RSAD1: variants seen among roughly 807,000 people sequenced by gnomAD.
RSAD1 encodes the protein radical S-adenosyl methionine domain containing 1.
RSAD1 carries 34 observed loss-of-function variants against 46.2 expected under a neutral mutation model. That is an observed-to-expected ratio of 0.74 (90% CI 0.56 to 0.98). RSAD1 has a LOEUF of 0.98. Among genes scored for constraint, RSAD1 ranks in the 50% least tolerant of loss-of-function variants. The probability of loss-of-function intolerance (pLI) is 0.00; values close to 1 mark genes in which losing one functional copy is unlikely to be tolerated. For synonymous variants in RSAD1, 260 were observed against 253.5 expected, an observed-to-expected ratio of 1.03 and a Z score of -0.24; for missense variants, 635 against 592.3, an observed-to-expected ratio of 1.07 and a Z score of -0.75.
intron 3 of RSAD1, among the ~76,000 whole-genome samples, chr17:50,480,889 G>T (rs912422151): frequency 6.6e-6 from 1 of 152,126 alleles, no homozygotes; most frequent in African/African-American, 2.4e-5. Context: ...TGAATTAAGA[G>T]ATTTTTACAA....
Position 50,479,609 on chromosome 17 carries a change from C to T in RSAD1, c.136-20C>T, listed in dbSNP as rs770002841. On this transcript the variant is annotated intron_variant, in intron 1 of 8. Coordinates refer to ENST00000258955, the MANE Select transcript of RSAD1 (RefSeq NM_018346.3). The stretch of plus-strand genomic sequence containing the variant: ...TGGCCAGGGCAGCTCTCACCGCGCA[C>T]GTGCACTCACTGCCCCCAGTGGCCT... 6.2e-7 allele frequency: 1 copy of T among 1,613,188 alleles called. No individual in the cohort carries two copies. The highest frequency in any genetic ancestry group is 1.3e-5 in the African/African-American group (1 of 75,030).
At chr17:50,483,185 A>AAAAAAG (rs1555615294) in intron 5 of RSAD1, among the ~76,000 whole-genome samples, 155 bp from the exon 6 acceptor site, 4 of 129,734 alleles carry the variant, frequency 3.1e-5, no homozygotes, top group African/African-American at 9.7e-5. Context: ...AAAAAAAAAA[A>AAAAAAG]AAAAAAAGAA....
At chr17:50,483,531 C>T (rs199993627) in intron 6 of RSAD1, 44 bp downstream of exon 6, 14 of 1,604,104 alleles carry the variant, frequency 8.7e-6, no homozygotes, top group Middle Eastern at 1.7e-4. Context: ...GATCCCCACA[C>T]CCCAAGACCA....
intron 1 of RSAD1, 69 bp from the exon 2 acceptor site, chr17:50,479,560 G>C: frequency 1.9e-6 from 3 of 1,599,454 alleles, no homozygotes; most frequent in Non-Finnish European, 2.6e-6. Context: ...GGGGTTGGGG[G>C]TGTGTGCGAC....
rs372835055 is a variant in RSAD1, at chr17:50,483,830, A to AC, written c.1107+78dup. On this transcript the variant is annotated intron_variant, in intron 7 of 8. Coordinates refer to ENST00000258955, the MANE Select transcript of RSAD1 (RefSeq NM_018346.3). The stretch of plus-strand genomic sequence containing the variant: ...GCAGAATCAATGCCCCCTCCCTGCC[A>AC]CCCCCCCCACACACATATACCTCCA... 6,820 of 1,351,514 alleles carry AC rather than the reference A, an allele frequency of 5.0e-3. 54 individuals carry two copies. Among genetic ancestry groups the AC allele is most frequent in the South Asian group, 0.027 (1,999 of 73,306 alleles). The allele number at this position is 1,351,514 out of a possible 1,614,324, so 83.7% of individuals were successfully genotyped here. A position where few individuals can be genotyped will look rare whatever the true frequency, so the allele number is the denominator to read the frequency against.
At chr17:50,479,317 C>G in intron 1 of RSAD1, 1 of 490,568 alleles carries the variant, frequency 2.0e-6, no homozygotes, top group Non-Finnish European at 3.6e-6. Flanking sequence ...GACTCGGTAG[C>G]TGGGAAAATG....
At chr17:50,481,731 A>T (rs923680675) in intron 3 of RSAD1, among the ~76,000 whole-genome samples, 1 of 152,240 alleles carries the variant, frequency 6.6e-6, no homozygotes, top group Non-Finnish European at 1.5e-5. Flanking sequence ...TTAAAATTGA[A>T]AAGTAAAGTA....
rs766798649 is a variant in RSAD1, at chr17:50,482,371, TC to T, written c.756del (p.Ala253GlnfsTer78). 2.1e-5 allele frequency: 34 copies of T among 1,609,888 alleles called. No homozygotes were observed. The highest frequency in any genetic ancestry group is 2.7e-5 in the Non-Finnish European group (32 of 1,178,334). On this transcript the variant is annotated frameshift_variant, in exon 4 of 9. Transcript: ENST00000258955. LOFTEE classifies it high-confidence loss of function. ...RGALPAPDPE[L>X]AAEMYQRGRA... ...GCCCTTCCAGCCCCTGACCCGGAGC[TC>T]GCAGCTGAGATGTACCAGAGGGGCC... is the stretch of plus-strand genomic sequence containing the variant.
intron 6 of RSAD1, 95 bp from the exon 7 acceptor site, chr17:50,483,611 T>C: frequency 6.3e-7 from 1 of 1,593,094 alleles, no homozygotes; most frequent in Non-Finnish European, 8.6e-7. Flanking sequence ...GTATGGTCCC[T>C]GTTAGCCTCC....
intron 3 of RSAD1, among the ~76,000 whole-genome samples, chr17:50,481,787 G>T (rs564752706): frequency 5.3e-5 from 8 of 152,158 alleles, no homozygotes; most frequent in Non-Finnish European, 8.8e-5. Flanking sequence ...ATTCCAGGTC[G>T]AACTTTGCAA....
chr17:50,479,575 C>A (rs1157798734), intron 1 of RSAD1, 54 bp from the exon 2 acceptor site: 3 of 1,608,666 alleles, frequency 1.9e-6, no homozygotes, highest in Non-Finnish European at 1.7e-6. Context: ...TGCGACTGAA[C>A]CCTGGAAGTG....
chr17:50,479,212 T>C (rs1420826167), intron 1 of RSAD1, 193 bp downstream of exon 1: 1 of 576,756 alleles, frequency 1.7e-6, no homozygotes, highest in East Asian at 3.4e-5. Context: ...CTGAAGTCTC[T>C]GCTACTCACC....
intron 5 of RSAD1, 78 bp downstream of exon 5, chr17:50,482,784 C>T: frequency 7.6e-7 from 1 of 1,310,766 alleles, no homozygotes; most frequent in Non-Finnish European, 1.1e-6. Context: ...ACATTAACCT[C>T]TCCAAGCCTC....
In RSAD1 at chr17:50,485,003, C is replaced by T; in HGVS notation, c.*142C>T. 1.5e-6 allele frequency: 1 copy of T among 661,486 alleles called. No individual in the cohort carries two copies. The highest frequency in any genetic ancestry group is 1.8e-5 in the South Asian group (1 of 55,886). The allele number at this position is 661,486 out of a possible 1,614,324, so 41.0% of individuals were successfully genotyped here. A position where few individuals can be genotyped will look rare whatever the true frequency, so the allele number is the denominator to read the frequency against. On this transcript the variant is annotated 3_prime_UTR_variant, in exon 9 of 9. Coordinates refer to ENST00000258955, the MANE Select transcript of RSAD1 (RefSeq NM_018346.3). Reference sequence around the variant, plus strand: ...AGCCCTGGCATCCCCAGGGGAATGGCAGCAGTGAGGTAGATGGGAGGACAT... The same window carrying T: ...AGCCCTGGCATCCCCAGGGGAATGGTAGCAGTGAGGTAGATGGGAGGACAT...
At chr17:50,481,540 T>C (rs896109858) in intron 3 of RSAD1, among the ~76,000 whole-genome samples, 2 of 152,236 alleles carry the variant, frequency 1.3e-5, no homozygotes, top group African/African-American at 2.4e-5. Context: ...AGTACAGATA[T>C]GAACATTTCC....
chr17:50,482,356 C>T lies in RSAD1; in HGVS notation c.740C>T (p.Ala247Val), dbSNP rs1170833060. The stretch of plus-strand genomic sequence containing the variant: ...CAGGTGCAGCGGGGTGCCCTTCCAG[C>T]CCCTGACCCGGAGCTCGCAGCTGAG... Reference protein sequence around the residue: ...FAQVQRGALPAPDPELAAEMY... With the variant: ...FAQVQRGALPVPDPELAAEMY... The change falls in exon 4 of 9, where the codon GCC becomes GTC. Residue 247 changes from alanine (A) to valine (V), a missense_variant. Ala to Val is a moderately conservative substitution (Grantham distance 64, BLOSUM62 0). Transcript: ENST00000258955. The T allele has an allele frequency of 6.2e-7, 1 of 1,611,834 alleles. No homozygotes were observed. The highest frequency in any genetic ancestry group is 8.5e-7 in the Non-Finnish European group (1 of 1,179,056).
chr17:50,479,394 C>T, intron 1 of RSAD1: 1 of 542,798 alleles, frequency 1.8e-6, no homozygotes, highest in Non-Finnish European at 3.2e-6. Flanking sequence ...TCCTTCCTGA[C>T]GTCTGCTGGT....
rs1567868882 is a variant in RSAD1, at chr17:50,478,981, C to T, written c.97C>T (p.Pro33Ser). ...GGAGAACGCAGGAGGGTCCCCGAGT[C>T]CTGAGCCTGCGGGCCGGCGCGCGGC... ...RVENAGGSPS[P>S]EPAGRRAALY... The change falls in exon 1 of 9, where the codon CCT becomes TCT. Residue 33 changes from proline to serine, a missense_variant. Pro to Ser is a moderately conservative substitution (Grantham distance 74). Transcript: ENST00000258955. 7.2e-7 allele frequency: 1 copy of T among 1,393,288 alleles called. No homozygotes were observed. Among genetic ancestry groups the T allele is most frequent in the Non-Finnish European group, 9.3e-7 (1 of 1,079,578 alleles). The allele number at this position is 1,393,288 out of a possible 1,614,324, so 86.3% of individuals were successfully genotyped here. A position where few individuals can be genotyped will look rare whatever the true frequency, so the allele number is the denominator to read the frequency against.
chr17:50,483,446 C>T lies in RSAD1; in HGVS notation c.1011C>T (p.Gly337=), dbSNP rs1277972722. 2.5e-6 allele frequency: 4 copies of T among 1,613,342 alleles called. No individual in the cohort carries two copies. The highest frequency in any genetic ancestry group is 3.4e-6 in the Non-Finnish European group (4 of 1,179,758). ...DNWMKEVMLF[G]HGTRKRVPLG... is the part of the protein sequence containing the mutation. ...GGATGAAGGAGGTGATGCTGTTTGG[C>T]CATGGCACCCGGAAGCGTGTCCCCC... The change falls in exon 6 of 9, where the codon GGC becomes GGT. Residue 337 remains glycine (G), a synonymous_variant. Transcript: ENST00000258955.
Sources: allele counts gnomAD v4.1 joint callset (sites outside exome capture counted in the v4.1 genomes callset), GRCh38; gene constraint gnomAD v4.1.1; transcripts MANE v1.5; gene names NCBI Gene and HGNC (gene_info 2026-07-23, HGNC 2026-07-21).